Variants in MYO15A observed in about 807,000 individuals in gnomAD.
MYO15A encodes the protein unconventional myosin-XV.
Under a neutral mutation model 394.6 loss-of-function variants are expected in MYO15A, and 308 were observed. That is an observed-to-expected ratio of 0.78 (90% CI 0.71 to 0.86). MYO15A has a LOEUF of 0.86. Ranked by LOEUF, MYO15A falls within the 40% of genes least tolerant of loss-of-function variation. The probability of loss-of-function intolerance (pLI) is 0.00; values close to 1 mark genes in which losing one functional copy is unlikely to be tolerated. For missense variants in MYO15A, 4,606 were observed against 4,799.1 expected, an observed-to-expected ratio of 0.96 and a Z score of 1.19; for synonymous variants, 1,957 against 2,003.8, an observed-to-expected ratio of 0.98 and a Z score of 0.62.
chr17:18,134,223 C>T (rs541380702), intron 12 of MYO15A, among the ~76,000 whole-genome samples: 1 of 151,104 alleles, frequency 6.6e-6, no homozygotes, highest in Non-Finnish European at 1.5e-5. Flanking sequence ...CTCTTGACCT[C>T]GTGATCCGCC....
chr17:18,124,405 A>G, intron 2 of MYO15A, 78 bp from the exon 3 acceptor site: 2 of 1,455,406 alleles, frequency 1.4e-6, no homozygotes, highest in South Asian at 2.3e-5. Flanking sequence ...AGCAGGCCCC[A>G]GGTATGACCA....
intron 65 of MYO15A, chr17:18,178,275 C>G (rs2047042719): frequency 3.9e-6 from 1 of 254,990 alleles, no homozygotes; most frequent in Non-Finnish European, 7.9e-6. Context: ...GAGGCTGAGG[C>G]AGGAGAATCG....
chr17:18,171,156 G>A (rs1175775263), intron 62 of MYO15A, among the ~76,000 whole-genome samples: 2 of 152,208 alleles, frequency 1.3e-5, no homozygotes, highest in Non-Finnish European at 2.9e-5. Context: ...GAGGGCTGGG[G>A]CAAGCTGATG....
At chr17:18,172,656 C>T (rs1000911768) in intron 64 of MYO15A, 1 of 362,438 alleles carries the variant, frequency 2.8e-6, no homozygotes, top group Non-Finnish European at 5.4e-6. Flanking sequence ...AAGGTGTCAG[C>T]AGGTTTGGTT....
At chr17:18,135,942 G>A (rs113132580) in intron 13 of MYO15A, 118 bp downstream of exon 13, 46 of 952,814 alleles carry the variant, frequency 4.8e-5, no homozygotes, top group African/African-American at 4.2e-4. Context: ...CTGTCCCTGG[G>A]TCAGGCATGG....
In MYO15A at chr17:18,166,405, GT is replaced by G. The variant is rs779501158; in HGVS notation, c.9833del (p.Val3278GlyfsTer33). 6.2e-7 allele frequency: 1 copy of G among 1,614,002 alleles called. No homozygotes were observed. The highest frequency in any genetic ancestry group is 2.2e-5 in the East Asian group (1 of 44,876). ...PLSRRAYILD[V>X]ASEMEQVDGG... The stretch of plus-strand genomic sequence containing the variant: ...CAGTCGCCGTGCTTACATCCTGGAT[GT>G]GGCCTCAGAGATGGAGCAGGTGGAC... On this transcript the variant is annotated frameshift_variant, in exon 61 of 66. Transcript: ENST00000647165. LOFTEE classifies it high-confidence loss of function.
chr17:18,120,467 G>T lies in MYO15A; in HGVS notation c.1667G>T (p.Gly556Val). The T allele has an allele frequency of 1.3e-6, 2 of 1,575,320 alleles. No individual in the cohort carries two copies. Among genetic ancestry groups the T allele is most frequent in the Non-Finnish European group, 1.7e-6 (2 of 1,164,104 alleles). ...LSAFGAHRGL[G>V]FGPEFGRPVP... ...GCCTTCGGCGCCCACCGGGGCCTGGGCTTCGGCCCTGAGTTTGGCCGCCCC... is the reference window on the plus strand; with the variant it reads ...GCCTTCGGCGCCCACCGGGGCCTGGTCTTCGGCCCTGAGTTTGGCCGCCCC... The change falls in exon 2 of 66, where the codon GGC becomes GTC. Residue 556 changes from glycine to valine, a missense_variant. This residue lies in a region of MYO15A where 1,830 missense variants were observed against 1,689.7 expected (regional missense o/e 1.08). Transcript: ENST00000647165.
At chr17:18,154,331 G>T in intron 44 of MYO15A, 141 bp downstream of exon 44, 1 of 984,372 alleles carries the variant, frequency 1.0e-6, no homozygotes, top group Non-Finnish European at 1.6e-6. Flanking sequence ...CTGTTTTATT[G>T]AATCTCCCCC....
At chr17:18,129,151 A>C (rs1356663351) in intron 7 of MYO15A, among the ~76,000 whole-genome samples, 1 of 152,222 alleles carries the variant, frequency 6.6e-6, no homozygotes, top group Admixed American at 6.5e-5. Flanking sequence ...GAAATGAAAC[A>C]TTCAGAGCTC....
intron 7 of MYO15A, among the ~76,000 whole-genome samples, chr17:18,127,618 GTC>G (rs1307477352): frequency 6.6e-6 from 1 of 152,134 alleles, no homozygotes; most frequent in African/African-American, 2.4e-5. Context: ...CCAGGCCAGA[GTC>G]TGAAGGATTG....
rs564616200 is a variant in MYO15A at position 18,130,813 on chromosome 17, A to G, written c.4038+3A>G. The G allele has an allele frequency of 5.3e-5, 78 of 1,475,858 alleles. No individual in the cohort carries two copies. The South Asian group carries it at 8.4e-4, about 16-fold the overall frequency. The allele number at this position is 1,475,858 out of a possible 1,614,324, so 91.4% of individuals were successfully genotyped here. ...CCTGGACGCTCTTGAAGATAAAGGT[A>G]CTCAGTGTGTGTGTGTGTGTGTGTG... On this transcript the variant is annotated splice_donor_region_variant and intron_variant, in intron 8 of 65. Coordinates refer to ENST00000647165, the MANE Select transcript of MYO15A (RefSeq NM_016239.4).
rs2045861037 is a variant in MYO15A, at chr17:18,119,459, G to A, written c.659G>A (p.Arg220His). The A allele has an allele frequency of 3.1e-6, 5 of 1,612,552 alleles. No homozygotes were observed. Among genetic ancestry groups the A allele is most frequent in the East Asian group, 2.2e-5 (1 of 44,848 alleles). The change falls in exon 2 of 66, where the codon CGC becomes CAC. Residue 220 changes from arginine to histidine, a missense_variant. This residue lies in a region of MYO15A where 1,830 missense variants were observed against 1,689.7 expected (regional missense o/e 1.08). Transcript: ENST00000647165. ...GCCCCATTCCATCACTCGGGCTCCC[G>A]CAAGTCGCTGTACGGGCTTGAGGGC... The part of the protein sequence containing the change: ...DEAPFHHSGS[R>H]KSLYGLEGFQ...
chr17:18,173,751 C>G (rs560232369), intron 64 of MYO15A, 30 bp from the exon 65 acceptor site: 4 of 1,613,642 alleles, frequency 2.5e-6, no homozygotes, highest in Admixed American at 1.7e-5. Flanking sequence ...CGCCCACAGG[C>G]CTGTCCGGCC....
In MYO15A at chr17:18,119,723, GCTACGA is replaced by G. The variant is rs780514902; in HGVS notation, c.925_930del (p.Tyr309_Asp310del). The G allele has an allele frequency of 6.2e-7, 1 of 1,612,108 alleles. No homozygotes were observed. The highest frequency in any genetic ancestry group is 8.5e-7 in the Non-Finnish European group (1 of 1,179,970). On this transcript the variant is annotated inframe_deletion, in exon 2 of 66. Transcript: ENST00000647165. ...GATCCGGGGTACACCTACGGCTACG[GCTACGA>G]CGATTACGAACCCCCATATGCGCCC...
rs755821378 is a variant in MYO15A, at chr17:18,121,270, C to G, written c.2470C>G (p.Pro824Ala). Residue 824 changes from proline (P) to alanine (A), a missense_variant, in exon 2 of 66, where the codon CCA (proline) becomes GCA (alanine). Around this residue, in one of 2 missense-constraint regions of MYO15A, gnomAD observed 1,830 missense variants for 1,689.7 expected, o/e 1.08. Coordinates refer to ENST00000647165, the MANE Select transcript of MYO15A (RefSeq NM_016239.4). This position sits in a 1 kb window ranked among gnomAD's most constrained non-coding sequence, Gnocchi z 5.3. The part of the protein sequence containing the change: ...ARRPRSLQES[P>A]APRRAAGRLG... Reference sequence around the variant, plus strand: ...CCGGCCCCGCTCGCTGCAGGAGTCCCCAGCCCCACGCCGAGCCGCTGGGCG... The same window carrying G: ...CCGGCCCCGCTCGCTGCAGGAGTCCGCAGCCCCACGCCGAGCCGCTGGGCG... The G allele has an allele frequency of 8.8e-5, 125 of 1,413,178 alleles. No homozygotes were observed. The African/African-American group carries it at 1.7e-3, about 20-fold the overall frequency. The allele number at this position is 1,413,178 out of a possible 1,614,324, so 87.5% of individuals were successfully genotyped here. A position where few individuals can be genotyped will look rare whatever the true frequency, so the allele number is the denominator to read the frequency against.
chr17:18,159,360 G>T lies in MYO15A; in HGVS notation c.9229+13G>T, dbSNP rs766924638. The T allele has an allele frequency of 6.2e-7, 1 of 1,614,028 alleles. No homozygotes were observed. Among genetic ancestry groups the T allele is most frequent in the African/African-American group, 1.3e-5 (1 of 74,928 alleles). The stretch of plus-strand genomic sequence containing the variant: ...GACATGTTCCTAGGTGTGGGAGTGG[G>T]ACTGCAGCCAGGGCTCTGGGCTAGG... On this transcript the variant is annotated intron_variant, in intron 54 of 65. Coordinates refer to ENST00000647165, the MANE Select transcript of MYO15A (RefSeq NM_016239.4).
chr17:18,155,398 G>A lies in MYO15A; in HGVS notation c.8425G>A (p.Ala2809Thr), dbSNP rs2046659061. 4 of 1,613,594 alleles carry A rather than the reference G, an allele frequency of 2.5e-6. No homozygotes were observed. The South Asian group carries it at 3.3e-5, about 13-fold the overall frequency. ...LLRMVKGGQE[A>T]GGQLRVLRAY... ...GAGGATGGTCAAGGGTGGCCAGGAG[G>A]CCGGCGGGCAGCTGCGGGTCCTGCG... Residue 2809 changes from alanine to threonine, a missense_variant, in exon 47 of 66, where the codon GCC becomes ACC. Physicochemically the swap from Ala to Thr is moderately conservative, Grantham distance 58. Around this residue, in one of 2 missense-constraint regions of MYO15A, gnomAD observed 2,776 missense variants for 3,109.3 expected, o/e 0.89. Coordinates refer to ENST00000647165, the MANE Select transcript of MYO15A (RefSeq NM_016239.4).
chr17:18,124,732 G>A (rs770101853), intron 3 of MYO15A, 167 bp downstream of exon 3: 12 of 692,638 alleles, frequency 1.7e-5, no homozygotes, highest in South Asian at 7.3e-5. Flanking sequence ...TGAGTTAGAC[G>A]GACTTTGGTT....
chr17:18,166,657 C>A, intron 61 of MYO15A, 136 bp downstream of exon 61: 1 of 1,221,478 alleles, frequency 8.2e-7, no homozygotes, highest in African/African-American at 1.5e-5. Context: ...GATGTCTCTG[C>A]TCCCCTATGT....
Sources: allele counts gnomAD v4.1 joint callset (sites outside exome capture counted in the v4.1 genomes callset), GRCh38; gene constraint gnomAD v4.1.1; regional missense constraint gnomAD v4.1.1; non-coding constraint Gnocchi (gnomAD v3.1); transcripts MANE v1.5; gene names NCBI Gene and HGNC (gene_info 2026-07-23, HGNC 2026-07-21).